SPAG16: variants seen among roughly 807,000 people sequenced by gnomAD.
SPAG16 encodes sperm-associated antigen 16 protein.
Under a neutral mutation model 80.4 loss-of-function variants are expected in SPAG16, and 86 were observed. The ratio of observed to expected loss-of-function variants is 1.07; its 90% CI spans 0.90 to 1.28. The LOEUF is 1.28. Among genes scored for constraint, SPAG16 ranks in the 50% most tolerant of loss-of-function variants. The probability of loss-of-function intolerance (pLI) is 0.00; values close to 1 mark genes in which losing one functional copy is unlikely to be tolerated. For missense variants in SPAG16, 870 were observed against 765.3 expected (o/e 1.14, Z -1.61); for synonymous variants, 294 against 265.9 (o/e 1.11, Z -1.03).
chr2:213,496,979 G>A (rs2074521397), intron 10 of SPAG16, among the ~76,000 whole-genome samples: 1 of 151,624 alleles, frequency 6.6e-6, no homozygotes, highest in Non-Finnish European at 1.5e-5. Context: ...GCATTTCTAA[G>A]AGAAAGAACT....
chr2:213,966,362 A>G (rs2106366316), intron 12 of SPAG16, among the ~76,000 whole-genome samples: 1 of 152,282 alleles, frequency 6.6e-6, no homozygotes, highest in South Asian at 2.1e-4. Flanking sequence ...TATAAACCAA[A>G]ATTTTCAGTG....
intron 7 of SPAG16, among the ~76,000 whole-genome samples, chr2:213,358,952 G>A (rs2065825348): frequency 6.6e-6 from 1 of 152,140 alleles, no homozygotes; most frequent in Non-Finnish European, 1.5e-5. Flanking sequence ...TGATGTGGGT[G>A]TCCTTTTTTT....
chr2:214,186,655 A>G (rs2057487577), intron 15 of SPAG16, among the ~76,000 whole-genome samples: 1 of 152,154 alleles, frequency 6.6e-6, no homozygotes, highest in Non-Finnish European at 1.5e-5. Context: ...GAGGTAATGA[A>G]TACTAACCTG....
chr2:213,358,373 C>T (rs1418897843), intron 7 of SPAG16, among the ~76,000 whole-genome samples: 1 of 152,266 alleles, frequency 6.6e-6, no homozygotes, highest in South Asian at 2.1e-4. Context: ...GTTCCATTCT[C>T]CCCATCACTT....
At chr2:214,174,641 A>G (rs895216785) in intron 15 of SPAG16, among the ~76,000 whole-genome samples, 1 of 151,730 alleles carries the variant, frequency 6.6e-6, no homozygotes, top group Non-Finnish European at 1.5e-5. Context: ...AACATCATCA[A>G]TATTTACTTC....
chr2:213,350,698 T>C, intron 7 of SPAG16, 53 bp downstream of exon 7: 1 of 1,026,538 alleles, frequency 9.7e-7, no homozygotes, highest in Non-Finnish European at 1.4e-6. Context: ...ATTTTTTTAA[T>C]AATACAAGTA....
chr2:213,976,309 T>C (rs748429767), intron 12 of SPAG16, among the ~76,000 whole-genome samples: 4 of 150,704 alleles, frequency 2.7e-5, no homozygotes, highest in Non-Finnish European at 4.4e-5. Flanking sequence ...TACACATGTG[T>C]GCGCATATGT....
intron 1 of SPAG16, among the ~76,000 whole-genome samples, chr2:213,294,247 T>TA (rs773800479): frequency 2.3e-4 from 35 of 152,174 alleles, no homozygotes; most frequent in Non-Finnish European, 4.9e-4. Context: ...AGTAGGGTGT[T>TA]AAATAAGAAG....
At chr2:213,436,561 A>T (rs958866312) in intron 9 of SPAG16, among the ~76,000 whole-genome samples, 2 of 152,132 alleles carry the variant, frequency 1.3e-5, no homozygotes, top group Non-Finnish European at 2.9e-5. Context: ...GTAGCTCATG[A>T]GTTTATTTGA....
chr2:213,444,058 C>T (rs1480979101), intron 9 of SPAG16, among the ~76,000 whole-genome samples: 2 of 152,226 alleles, frequency 1.3e-5, no homozygotes, highest in South Asian at 2.1e-4. Context: ...GAATAGATCC[C>T]CCTGGAAGTA....
intron 10 of SPAG16, among the ~76,000 whole-genome samples, chr2:213,695,315 T>G (rs778166240): frequency 4.6e-5 from 7 of 152,196 alleles, no homozygotes; most frequent in Non-Finnish European, 8.8e-5. Context: ...ACTAACAAGG[T>G]ATCATGGTTT....
intron 10 of SPAG16, among the ~76,000 whole-genome samples, chr2:213,840,975 C>A (rs2074335610): frequency 6.6e-6 from 1 of 152,118 alleles, no homozygotes; most frequent in South Asian, 2.1e-4. Flanking sequence ...ACTATTTCTC[C>A]ACACACAGCC....
At chr2:213,503,036 A>T (rs569504130) in intron 10 of SPAG16, among the ~76,000 whole-genome samples, 1 of 152,224 alleles carries the variant, frequency 6.6e-6, no homozygotes, top group Non-Finnish European at 1.5e-5. Flanking sequence ...CAGTTTCTCA[A>T]CCTTAGACAT....
At chr2:213,476,363 C>T (rs1377673575) in intron 9 of SPAG16, among the ~76,000 whole-genome samples, 1 of 152,164 alleles carries the variant, frequency 6.6e-6, no homozygotes, top group Non-Finnish European at 1.5e-5. Context: ...TCTGATCCCA[C>T]ATGACAGCTA....
chr2:213,700,975 C>T (rs548800389), intron 10 of SPAG16, among the ~76,000 whole-genome samples: 31 of 152,270 alleles, frequency 2.0e-4, no homozygotes, highest in Non-Finnish European at 3.2e-4. Context: ...GGCACGGTGG[C>T]TCATGCCTGT....
At position 213,820,143 on chromosome 2, in the gene SPAG16, C is replaced by G. The variant is rs202110207; in HGVS notation, c.1071-42342C>G. On this transcript the variant is annotated intron_variant, in intron 10 of 15. Coordinates refer to ENST00000331683, the MANE Select transcript of SPAG16 (RefSeq NM_024532.5). ...AGGCTGAAGTGCAGTAGCTTGATTA[C>G]AGCTCATTGCAGCTTCAACTTCCTG... Among the ~76,000 whole-genome samples the G allele has an allele frequency of 1.1e-4, 16 of 151,926 alleles. No homozygotes were observed. The East Asian group carries it at 2.7e-3, about 26-fold the overall frequency.
At chr2:214,401,869 G>A (rs912061881) in intron 15 of SPAG16, among the ~76,000 whole-genome samples, 6 of 151,898 alleles carry the variant, frequency 4.0e-5, no homozygotes, top group Non-Finnish European at 7.4e-5. Flanking sequence ...TGTGTTACGT[G>A]TTTAGACAGA....
chr2:214,355,002 G>A (rs1042644200), intron 15 of SPAG16, among the ~76,000 whole-genome samples: 2 of 151,986 alleles, frequency 1.3e-5, no homozygotes, highest in East Asian at 3.9e-4. Flanking sequence ...TCCTTCTCCT[G>A]CCTAATTGCC....
At chr2:213,945,133 G>A (rs1314999446) in intron 12 of SPAG16, among the ~76,000 whole-genome samples, 1 of 151,474 alleles carries the variant, frequency 6.6e-6, no homozygotes, top group Non-Finnish European at 1.5e-5. Flanking sequence ...GGGTACCTTA[G>A]AGGTACAGAA....
Sources: gnomAD v4.1 joint callset for allele counts (sites outside exome capture counted in the v4.1 genomes callset) on GRCh38, gnomAD v4.1.1 for gene constraint, MANE v1.5 for transcripts, NCBI Gene and HGNC (gene_info 2026-07-23, HGNC 2026-07-21) for gene names.